KCNJ3: variants seen among roughly 807,000 people sequenced by gnomAD.
The protein encoded by KCNJ3 is G protein-activated inward rectifier potassium channel 1.
A neutral mutation model predicts 39.2 loss-of-function variants in KCNJ3; 4 were observed. That is an observed-to-expected ratio of 0.10 (90% CI 0.05 to 0.23). The LOEUF is 0.23. Among genes scored for constraint, KCNJ3 ranks in the 10% least tolerant of loss-of-function variants. The pLI is 1.00. For missense variants in KCNJ3, 276 were observed against 634.9 expected (o/e 0.43, Z 6.08); for synonymous variants, 230 against 237.4 (o/e 0.97, Z 0.29).
intron 2 of KCNJ3, among the ~76,000 whole-genome samples, chr2:154,736,988 C>T (rs1685559668): frequency 6.6e-6 from 1 of 152,122 alleles, no homozygotes; most frequent in Non-Finnish European, 1.5e-5. Context: ...ACAGGCAAAA[C>T]ATCAGGGAGG....
At chr2:154,716,276 ATT>A (rs535989708) in intron 2 of KCNJ3, among the ~76,000 whole-genome samples, 3,083 of 115,392 alleles carry the variant, frequency 0.027, 66 homozygotes, top group East Asian at 0.14. Flanking sequence ...CGGCCGGCTA[ATT>A]TTTTTTTTTT....
chr2:154,796,014 TC>T (rs1417871096), intron 2 of KCNJ3, among the ~76,000 whole-genome samples: 1 of 152,078 alleles, frequency 6.6e-6, no homozygotes, highest in Non-Finnish European at 1.5e-5. Flanking sequence ...TTCTTTTCTT[TC>T]CCCCTACTAG....
intron 2 of KCNJ3, among the ~76,000 whole-genome samples, chr2:154,834,521 G>C (rs182170480): frequency 6.6e-6 from 1 of 151,976 alleles, no homozygotes; most frequent in African/African-American, 2.4e-5. Flanking sequence ...CACGCGGTAA[G>C]GATCGAGACC....
At chr2:154,851,225 GAAC>G (rs1687751136) in intron 2 of KCNJ3, among the ~76,000 whole-genome samples, 1 of 151,802 alleles carries the variant, frequency 6.6e-6, no homozygotes, top group Non-Finnish European at 1.5e-5. Flanking sequence ...CTGAGTGGCA[GAAC>G]AAGAGCCCAT....
At position 154,818,918 on chromosome 2, in the gene KCNJ3, CTTTTTTTTTTTTTTTTTTT is replaced by C. The variant is rs57668487; in HGVS notation, c.920-35795_920-35777del. ...GAGCTTGAGCTGTAGCTGCAAAAGCCTTTTTTTTTTTTTTTTTTTTTTTTTTTTTTTTAATCATCTTGTG... is the reference window on the plus strand; with the variant it reads ...GAGCTTGAGCTGTAGCTGCAAAAGCCTTTTTTTTTTTTTAATCATCTTGTG... On this transcript the variant is annotated intron_variant, in intron 2 of 2. Coordinates refer to ENST00000295101, the MANE Select transcript of KCNJ3 (RefSeq NM_002239.4). 8.6e-4 allele frequency among the ~76,000 whole-genome samples: 45 copies of C among 52,442 alleles called. 1 individual carries two copies. The highest frequency in any genetic ancestry group is 2.4e-3 in the African/African-American group (29 of 12,048). 34.4% of individuals were successfully genotyped at this position (52,442 alleles called of 152,430 possible).
intron 2 of KCNJ3, among the ~76,000 whole-genome samples, chr2:154,735,162 C>T (rs1240478305): frequency 6.6e-6 from 1 of 151,838 alleles, no homozygotes; most frequent in Non-Finnish European, 1.5e-5. Flanking sequence ...TCTCGGCTCA[C>T]TGCAAGCTCC....
At chr2:154,782,510 C>T (rs1686454953) in intron 2 of KCNJ3, among the ~76,000 whole-genome samples, 1 of 134,868 alleles carries the variant, frequency 7.4e-6, no homozygotes, top group Non-Finnish European at 1.6e-5. Flanking sequence ...TATTTATATT[C>T]CTACAACATA....
chr2:154,797,508 G>T (rs1261171108), intron 2 of KCNJ3, among the ~76,000 whole-genome samples: 2 of 151,958 alleles, frequency 1.3e-5, no homozygotes, highest in African/African-American at 4.8e-5. Context: ...TTTAGCCATG[G>T]TTATGCATAG....
intron 2 of KCNJ3, among the ~76,000 whole-genome samples, chr2:154,753,457 T>C (rs1164701368): frequency 6.6e-6 from 1 of 152,014 alleles, no homozygotes; most frequent in Non-Finnish European, 1.5e-5. Flanking sequence ...AATTGTGGAG[T>C]TTTTTCCAGA....
rs776613074 is a variant in KCNJ3 at position 154,854,720 on chromosome 2, C to T, written c.920-7C>T. The T allele has an allele frequency of 6.3e-7, 1 of 1,593,760 alleles. No homozygotes were observed. Among genetic ancestry groups the T allele is most frequent in the South Asian group, 1.1e-5 (1 of 89,364 alleles). ...TAATTTATCAAGAATTTTCTCTTTT[C>T]TTGTAGGGATGACTTGTCAAGCTCG... On this transcript the variant is annotated splice_region_variant and splice_polypyrimidine_tract_variant and intron_variant, in intron 2 of 2. Coordinates refer to ENST00000295101, the MANE Select transcript of KCNJ3 (RefSeq NM_002239.4).
chr2:154,709,351 C>A (rs1685065621), intron 1 of KCNJ3: 1 of 500,184 alleles, frequency 2.0e-6, no homozygotes, highest in African/African-American at 1.9e-5. Context: ...CCAGGCATTT[C>A]TCCAAAGCTC....
At chr2:154,718,273 AG>A (rs1373714121) in intron 2 of KCNJ3, among the ~76,000 whole-genome samples, 1 of 152,164 alleles carries the variant, frequency 6.6e-6, no homozygotes, top group Non-Finnish European at 1.5e-5. Context: ...AAACTTTTTG[AG>A]GCCACACATT....
chr2:154,745,730 T>C (rs955500032), intron 2 of KCNJ3, among the ~76,000 whole-genome samples: 1 of 152,056 alleles, frequency 6.6e-6, no homozygotes, highest in Admixed American at 6.6e-5. Flanking sequence ...GTTCTTGGAA[T>C]AACTAGAGAT....
At position 154,844,272 on chromosome 2, in the gene KCNJ3, G is replaced by A. The variant is rs181414891; in HGVS notation, c.920-10455G>A. On this transcript the variant is annotated intron_variant, in intron 2 of 2. Transcript: ENST00000295101. The stretch of plus-strand genomic sequence containing the variant: ...CCCTGTTTGCCTGGGTGTCACCAGC[G>A]GAGGCTGCAGAACAGCAAATATTGT... Among the ~76,000 whole-genome samples the A allele has an allele frequency of 8.2e-4, 125 of 152,296 alleles. 1 individual carries two copies. Among genetic ancestry groups the A allele is most frequent in the Admixed American group, 3.5e-3 (53 of 15,290 alleles).
intron 2 of KCNJ3, among the ~76,000 whole-genome samples, chr2:154,751,043 C>T (rs2121086): frequency 0.036 from 5,504 of 151,842 alleles, 230 homozygotes; most frequent in East Asian, 0.22. Flanking sequence ...AAATCAGGTT[C>T]GGTGTATACT....
intron 2 of KCNJ3, among the ~76,000 whole-genome samples, chr2:154,840,796 T>C (rs970614852): frequency 6.6e-6 from 1 of 152,222 alleles, no homozygotes; most frequent in African/African-American, 2.4e-5. Flanking sequence ...ATCCTGAGAC[T>C]TTGATGAAGT....
At chr2:154,743,918 A>G (rs1403686653) in intron 2 of KCNJ3, among the ~76,000 whole-genome samples, 2 of 151,526 alleles carry the variant, frequency 1.3e-5, no homozygotes, top group African/African-American at 4.8e-5. Flanking sequence ...CTTATTCTCT[A>G]TCTTAAAAAG....
At chr2:154,721,704 G>T (rs561538531) in intron 2 of KCNJ3, among the ~76,000 whole-genome samples, 1 of 151,984 alleles carries the variant, frequency 6.6e-6, no homozygotes, top group Non-Finnish European at 1.5e-5. Flanking sequence ...CTACCATCAA[G>T]TTGAATAGTA....
At chr2:154,757,367 C>T (rs546671469) in intron 2 of KCNJ3, among the ~76,000 whole-genome samples, 62 of 152,048 alleles carry the variant, frequency 4.1e-4, no homozygotes, top group African/African-American at 1.3e-3. Context: ...CAAGCTGTTC[C>T]CTTATCAGAA....
Sources: allele counts gnomAD v4.1 joint callset (sites outside exome capture counted in the v4.1 genomes callset), GRCh38; gene constraint gnomAD v4.1.1; transcripts MANE v1.5; gene names NCBI Gene and HGNC (gene_info 2026-07-23, HGNC 2026-07-21).